Variants in BABAM2 observed in about 807,000 individuals in gnomAD.
BABAM2 encodes BRISC and BRCA1 A complex member 2.
A neutral mutation model predicts 54.7 loss-of-function variants in BABAM2; 31 were observed. The ratio of observed to expected loss-of-function variants is 0.57; its 90% confidence interval spans 0.43 to 0.77. BABAM2 has a LOEUF of 0.77. Ranked by LOEUF, BABAM2 falls within the 30% of genes least tolerant of loss-of-function variation. The pLI is 0.00. For synonymous variants in BABAM2, 167 were observed against 162.9 expected, an observed-to-expected ratio of 1.03 and a Z score of -0.19; for missense variants, 364 against 455.8, an observed-to-expected ratio of 0.80 and a Z score of 1.83.
chr2:28,060,578 A>T (rs1678777985), intron 6 of BABAM2, among the ~76,000 whole-genome samples: 1 of 152,200 alleles, frequency 6.6e-6, no homozygotes, highest in Non-Finnish European at 1.5e-5. Context: ...ATTGTTGACT[A>T]TGTCAAAAAG....
In BABAM2 at chr2:28,026,966, A is replaced by ATC. The variant is rs1465333576; in HGVS notation, c.495+1547_495+1548insCT. On this transcript the variant is annotated intron_variant, in intron 5 of 11. Coordinates refer to ENST00000379624, the MANE Select transcript of BABAM2 (RefSeq NM_199191.3). ...TATATATTAATATATATAAATATAT[A>ATC]TATAAATATATAAATATATATAAAA... 1.2e-3 allele frequency among the ~76,000 whole-genome samples: 100 copies of ATC among 85,028 alleles called. 1 individual carries two copies. The highest frequency in any genetic ancestry group is 4.3e-3 in the Middle Eastern group (1 of 230). The allele number at this position is 85,028 out of a possible 152,430, so 55.8% of individuals were successfully genotyped here. A position where few individuals can be genotyped will look rare whatever the true frequency, so the allele number is the denominator to read the frequency against.
At chr2:27,999,754 A>T (rs1673448553) in intron 4 of BABAM2, among the ~76,000 whole-genome samples, 1 of 152,258 alleles carries the variant, frequency 6.6e-6, no homozygotes, top group Non-Finnish European at 1.5e-5. Context: ...TGAAATAGTT[A>T]CGAACTTCAT....
intron 3 of BABAM2, among the ~76,000 whole-genome samples, chr2:27,948,774 A>G (rs1417928241): frequency 6.6e-6 from 1 of 152,046 alleles, no homozygotes; most frequent in African/African-American, 2.4e-5. Context: ...CCACCTCAAA[A>G]AATAAAAAAA....
intron 4 of BABAM2, chr2:28,015,701 C>T: frequency 1.1e-6 from 1 of 951,136 alleles, no homozygotes; most frequent in Admixed American, 3.9e-5. Context: ...GAAATTTCCT[C>T]AGACATTGTG....
intron 6 of BABAM2, among the ~76,000 whole-genome samples, chr2:28,052,234 A>G (rs746590755): frequency 9.9e-5 from 15 of 152,026 alleles, no homozygotes; most frequent in Non-Finnish European, 2.2e-4. Context: ...AGAAGAAACA[A>G]CTGAAATGAT....
At chr2:28,246,617 C>T (rs763648681) in intron 10 of BABAM2, among the ~76,000 whole-genome samples, 4 of 152,196 alleles carry the variant, frequency 2.6e-5, no homozygotes, top group Non-Finnish European at 2.9e-5. Flanking sequence ...TCAACCAGTT[C>T]CTTCATCTCC....
rs567664042 is a variant in BABAM2 at position 27,983,693 on chromosome 2, C to A, written c.206-4300C>A. Among the ~76,000 whole-genome samples the A allele has an allele frequency of 5.3e-5, 8 of 151,988 alleles. 1 individual carries two copies. Among genetic ancestry groups the A allele is most frequent in the African/African-American group, 1.9e-4 (8 of 41,470 alleles). On this transcript the variant is annotated intron_variant, in intron 3 of 11. Coordinates refer to ENST00000379624, the MANE Select transcript of BABAM2 (RefSeq NM_199191.3). The stretch of plus-strand genomic sequence containing the variant: ...TATACTTCTTTTGTTAAGTTTATTC[C>A]TAAGTATTTTGTTCTTTTTGATCTC...
chr2:28,153,242 T>A (rs1177705250), intron 7 of BABAM2, among the ~76,000 whole-genome samples: 2 of 152,254 alleles, frequency 1.3e-5, no homozygotes, highest in Non-Finnish European at 2.9e-5. Flanking sequence ...TTTGCTTATG[T>A]ATTTTACTTA....
intron 3 of BABAM2, among the ~76,000 whole-genome samples, chr2:27,966,318 C>A (rs912136733): frequency 6.6e-6 from 1 of 152,126 alleles, no homozygotes; most frequent in Non-Finnish European, 1.5e-5. Context: ...AGGATAAATT[C>A]TTTCTTTTTC....
intron 6 of BABAM2, among the ~76,000 whole-genome samples, chr2:28,128,876 A>G (rs1000832089): frequency 7.7e-6 from 1 of 130,640 alleles, no homozygotes; most frequent in Non-Finnish European, 1.7e-5. Context: ...CTGTCAAGGT[A>G]GGTGTAAGAA....
intron 3 of BABAM2, among the ~76,000 whole-genome samples, chr2:27,950,656 A>G (rs528079941): frequency 6.6e-6 from 1 of 152,136 alleles, no homozygotes. Flanking sequence ...AGCTGGCTTC[A>G]GAATAGAATG....
intron 7 of BABAM2, among the ~76,000 whole-genome samples, chr2:28,171,581 G>C (rs1674329328): frequency 6.6e-6 from 1 of 152,120 alleles, no homozygotes; most frequent in South Asian, 2.1e-4. Flanking sequence ...TAAGCAGCCT[G>C]TTTTCTTACT....
chr2:28,217,632 C>T (rs924519975), intron 7 of BABAM2, among the ~76,000 whole-genome samples: 3 of 152,128 alleles, frequency 2.0e-5, no homozygotes, highest in Admixed American at 2.0e-4. Flanking sequence ...GGTGCTTAAC[C>T]ACCTCATTTT....
intron 6 of BABAM2, among the ~76,000 whole-genome samples, chr2:28,086,935 G>T (rs996514622): frequency 6.6e-6 from 1 of 152,166 alleles, no homozygotes; most frequent in African/African-American, 2.4e-5. Context: ...GTTTTCCTCT[G>T]ATTTGCCACC....
At chr2:28,230,718 G>GAAAA (rs147700429) in intron 7 of BABAM2, among the ~76,000 whole-genome samples, 22 of 141,424 alleles carry the variant, frequency 1.6e-4, no homozygotes, top group South Asian at 1.1e-3. Context: ...CCTGTCTCAG[G>GAAAA]AAAAAAAAAA....
chr2:28,261,490 C>T (rs1462742131), intron 10 of BABAM2, among the ~76,000 whole-genome samples: 5 of 151,696 alleles, frequency 3.3e-5, no homozygotes, highest in African/African-American at 4.9e-5. Context: ...CCACCACACC[C>T]GGTTAATTTT....
At chr2:28,038,420 G>A (rs181425559) in intron 5 of BABAM2, among the ~76,000 whole-genome samples, 1 of 152,212 alleles carries the variant, frequency 6.6e-6, no homozygotes, top group Admixed American at 6.5e-5. Flanking sequence ...ACACGTACAG[G>A]GTTATTACAG....
chr2:28,164,385 G>C (rs997236016), intron 7 of BABAM2, among the ~76,000 whole-genome samples: 13 of 152,076 alleles, frequency 8.5e-5, no homozygotes, highest in Non-Finnish European at 1.8e-4. Flanking sequence ...TCTGTGGGCT[G>C]TCTGAGCAGT....
chr2:28,237,653 A>G (rs370325697), intron 8 of BABAM2, among the ~76,000 whole-genome samples: 3 of 152,182 alleles, frequency 2.0e-5, no homozygotes, highest in Admixed American at 6.5e-5. Flanking sequence ...TTGCTTCCCA[A>G]TTATCCAGTG....
Sources: gnomAD v4.1 joint callset for allele counts (sites outside exome capture counted in the v4.1 genomes callset) on GRCh38, gnomAD v4.1.1 for gene constraint, MANE v1.5 for transcripts, NCBI Gene and HGNC (gene_info 2026-07-23, HGNC 2026-07-21) for gene names.